Variants in DGKB observed in about 807,000 individuals in gnomAD.
The protein encoded by DGKB is diacylglycerol kinase beta, also known as 90 kDa diacylglycerol kinase.
A neutral mutation model predicts 114.3 loss-of-function variants in DGKB; 67 were observed. That is an observed-to-expected ratio of 0.59 (90% confidence interval 0.48 to 0.72). DGKB has a LOEUF of 0.72. Ranked by LOEUF, DGKB falls within the 30% of genes least tolerant of loss-of-function variation. The pLI is 0.00. For missense variants in DGKB, 907 were observed against 975.2 expected (o/e 0.93, Z 0.93); for synonymous variants, 398 against 323.1 (o/e 1.23, Z -2.49).
intron 23 of DGKB, among the ~76,000 whole-genome samples, chr7:14,303,798 G>C (rs934143983): frequency 6.6e-6 from 1 of 151,960 alleles, no homozygotes; most frequent in African/African-American, 2.4e-5. Context: ...TGGCCCAGGA[G>C]CCTTTCACCG....
intron 13 of DGKB, among the ~76,000 whole-genome samples, chr7:14,648,486 C>A (rs1327609064): frequency 7.0e-6 from 1 of 141,886 alleles, no homozygotes; most frequent in Non-Finnish European, 1.5e-5. Context: ...ACACCAAAAA[C>A]CCATCTGTAC....
At chr7:14,320,434 T>C (rs1159651965) in intron 23 of DGKB, among the ~76,000 whole-genome samples, 3 of 152,148 alleles carry the variant, frequency 2.0e-5, no homozygotes, top group Non-Finnish European at 2.9e-5. Context: ...GCCAATGCCA[T>C]AGCCTTGCTC....
At chr7:14,277,990 G>A (rs1203667433) in intron 23 of DGKB, among the ~76,000 whole-genome samples, 1 of 152,084 alleles carries the variant, frequency 6.6e-6, no homozygotes, top group African/African-American at 2.4e-5. Context: ...ATCTCACAGT[G>A]GTCTTAATTT....
At chr7:14,282,781 A>G (rs561921556) in intron 23 of DGKB, among the ~76,000 whole-genome samples, 1,850 of 152,292 alleles carry the variant, frequency 0.012, 36 homozygotes, top group African/African-American at 0.042. Context: ...ATCTCAATAG[A>G]TGCAGAAAAG....
At chr7:14,312,114 G>A (rs894103693) in intron 23 of DGKB, among the ~76,000 whole-genome samples, 3 of 152,046 alleles carry the variant, frequency 2.0e-5, no homozygotes, top group African/African-American at 7.2e-5. Flanking sequence ...AGAAAAATCA[G>A]AATCAGTTTA....
At chr7:14,817,884 G>C (rs949727687) in intron 2 of DGKB, among the ~76,000 whole-genome samples, 4 of 151,768 alleles carry the variant, frequency 2.6e-5, no homozygotes, top group African/African-American at 9.7e-5. Context: ...TGTGCATATA[G>C]AAGCACACAA....
At chr7:14,974,284 A>G (rs142740228) in intron 1 of DGKB, among the ~76,000 whole-genome samples, 103 of 152,196 alleles carry the variant, frequency 6.8e-4, no homozygotes, top group African/African-American at 2.4e-3. Context: ...TATTTTCTAT[A>G]GGACACCCCT....
chr7:14,613,341 G>C lies in DGKB; in HGVS notation c.1357C>G (p.Arg453Gly), dbSNP rs1282835032. 2 of 1,555,670 alleles carry C rather than the reference G, an allele frequency of 1.3e-6. No individual in the cohort carries two copies. The highest frequency in any genetic ancestry group is 1.4e-5 in the African/African-American group (1 of 73,342). ...NPKSGGKQGERIYRKFQYLLN... is the reference protein window; with the variant it reads ...NPKSGGKQGEGIYRKFQYLLN... Reference sequence around the variant, plus strand: ...ACTAAAATCAATCAAAAAACATACCGTTCTCCTTGTTTTCCACCACTTTTG... The same window carrying C: ...ACTAAAATCAATCAAAAAACATACCCTTCTCCTTGTTTTCCACCACTTTTG... The change falls in exon 16 of 26, where the codon CGA becomes GGA. Residue 453 changes from arginine (R) to glycine (G), a missense_variant and splice_region_variant. Coordinates refer to ENST00000402815, the MANE Select transcript of DGKB (RefSeq NM_001350709.2).
intron 4 of DGKB, among the ~76,000 whole-genome samples, chr7:14,749,160 A>G (rs1833775011): frequency 6.6e-6 from 1 of 152,162 alleles, no homozygotes; most frequent in African/African-American, 2.4e-5. Context: ...TCAAAATACA[A>G]TTTTTTATGT....
intron 21 of DGKB, among the ~76,000 whole-genome samples, chr7:14,388,578 T>G (rs1583581110): frequency 6.6e-6 from 1 of 151,896 alleles, no homozygotes; most frequent in African/African-American, 2.4e-5. Context: ...TTTTCTGCAG[T>G]AGGTAACTAT....
intron 7 of DGKB, among the ~76,000 whole-genome samples, chr7:14,699,185 G>A (rs1353331304): frequency 6.6e-6 from 1 of 151,802 alleles, no homozygotes; most frequent in African/African-American, 2.4e-5. Context: ...TGCCCCAGAA[G>A]TAATACAAAG....
intron 19 of DGKB, 62 bp downstream of exon 19, chr7:14,580,795 CTTTTT>C (rs1799810700): frequency 4.5e-6 from 5 of 1,108,926 alleles, no homozygotes; most frequent in Non-Finnish European, 5.2e-6. Context: ...CTTTTCTTTT[CTTTTT>C]GTTTTGCAAG....
At chr7:14,479,605 C>A (rs1460549717) in intron 20 of DGKB, among the ~76,000 whole-genome samples, 1 of 152,050 alleles carries the variant, frequency 6.6e-6, no homozygotes, top group African/African-American at 2.4e-5. Context: ...GTACAAATAT[C>A]AAGATGGTTC....
chr7:14,728,371 T>C (rs915228123), intron 5 of DGKB, among the ~76,000 whole-genome samples: 1 of 152,184 alleles, frequency 6.6e-6, no homozygotes, highest in Admixed American at 6.5e-5. Context: ...CAACTTAGCA[T>C]GACAGGCAAA....
intron 1 of DGKB, among the ~76,000 whole-genome samples, chr7:14,851,775 C>T (rs1323145421): frequency 6.6e-6 from 1 of 152,126 alleles, no homozygotes; most frequent in Non-Finnish European, 1.5e-5. Context: ...CTCAAAGTAG[C>T]TCATGTGAAG....
chr7:14,220,343 A>G (rs561910738), intron 23 of DGKB, among the ~76,000 whole-genome samples: 13 of 151,708 alleles, frequency 8.6e-5, no homozygotes, highest in Admixed American at 3.3e-4. Flanking sequence ...CTTTGTATGT[A>G]GATATCCAGT....
chr7:14,651,030 A>C (rs1170560175), intron 13 of DGKB, among the ~76,000 whole-genome samples: 2 of 152,224 alleles, frequency 1.3e-5, no homozygotes, highest in Non-Finnish European at 2.9e-5. Flanking sequence ...AAAAGAGTCC[A>C]GCACCAGATG....
At chr7:14,957,979 A>ACAAT (rs1786608552) in intron 1 of DGKB, among the ~76,000 whole-genome samples, 1 of 152,106 alleles carries the variant, frequency 6.6e-6, no homozygotes, top group Non-Finnish European at 1.5e-5. Flanking sequence ...CTTGTTAACA[A>ACAAT]ATAACTACTT....
In DGKB at chr7:14,315,803, T is replaced by C. The variant is rs1223316656; in HGVS notation, c.2122+22712A>G. Among the ~76,000 whole-genome samples the C allele has an allele frequency of 9.9e-5, 15 of 151,248 alleles. No individual in the cohort carries two copies. The East Asian group carries it at 2.9e-3, about 29-fold the overall frequency. The stretch of plus-strand genomic sequence containing the variant: ...CGGACCTAATAGACATCTACAGAAG[T>C]CTCCACCCCAAATCAACAGAATATA... On this transcript the variant is annotated intron_variant, in intron 23 of 25. Transcript: ENST00000402815.
Sources: allele counts gnomAD v4.1 joint callset (sites outside exome capture counted in the v4.1 genomes callset), GRCh38; gene constraint gnomAD v4.1.1; transcripts MANE v1.5; gene names NCBI Gene and HGNC (gene_info 2026-07-23, HGNC 2026-07-21).